Variants in PANK2 observed in about 807,000 individuals in gnomAD.
PANK2 encodes pantothenate kinase 2, mitochondrial.
Under a neutral mutation model 43.1 loss-of-function variants are expected in PANK2, and 36 were observed. The observed-to-expected ratio is 0.84, with a 90% CI of 0.64 to 1.10. The LOEUF (loss-of-function observed/expected upper bound fraction) is 1.10, where lower values mean the gene tolerates loss of function less well. PANK2 is among the 50% of genes least tolerant of loss of function. The pLI is 0.00. For missense variants in PANK2, 576 were observed against 593.3 expected (o/e 0.97, Z 0.30); for synonymous variants, 281 against 238.2 (o/e 1.18, Z -1.66).
In PANK2 at chr20:3,927,995, C is replaced by G. The variant is rs2090750829; in HGVS notation, c.*4701C>G. On this transcript the variant is annotated 3_prime_UTR_variant, in exon 7 of 7. Transcript: ENST00000610179. Reference sequence around the variant, plus strand: ...GGCAAAGTAAGGTTTACTACACAAGCCCCTCTTTTTCTTCTGATATCCCCA... The same window carrying G: ...GGCAAAGTAAGGTTTACTACACAAGGCCCTCTTTTTCTTCTGATATCCCCA... 1 of 152,150 alleles carries G rather than the reference C, an allele frequency of 6.6e-6. No individual in the cohort carries two copies. The highest frequency in any genetic ancestry group is 2.4e-5 in the African/African-American group (1 of 41,414). The allele number at this position is 152,150 out of a possible 1,614,324, so 9.4% of individuals were successfully genotyped here.
chr20:3,889,001 G>A (rs535790498), upstream of PANK2: 6 of 961,642 alleles, frequency 6.2e-6, no homozygotes, highest in African/African-American at 5.0e-5. Context: ...CTGCGAGGAC[G>A]GCACGGAGCA....
upstream of PANK2, chr20:3,889,217 C>T (rs767386090): frequency 5.0e-6 from 8 of 1,612,842 alleles, no homozygotes; most frequent in African/African-American, 9.3e-5. Context: ...CCTCCACCAC[C>T]CTCTCCCCGC....
At chr20:3,912,332 T>G (rs1428850462) in intron 3 of PANK2, 126 bp from the exon 4 acceptor site, 1 of 1,021,072 alleles carries the variant, frequency 9.8e-7, no homozygotes, top group African/African-American at 1.6e-5. Flanking sequence ...CAGACTTGTT[T>G]CCTACCAGTG....
Position 3,922,407 on chromosome 20 carries a change from G to A in PANK2, c.1333-837G>A, listed in dbSNP as rs571800529. 5.3e-5 allele frequency among the ~76,000 whole-genome samples: 8 copies of A among 152,316 alleles called. No homozygotes were observed. The South Asian group carries it at 6.2e-4, about 12-fold the overall frequency. Reference sequence around the variant, plus strand: ...TTCTGGAGACAGTACAGTGCTTGTCGTCTCTCAGCTGCTGCTTCTGTGTCT... The same window carrying A: ...TTCTGGAGACAGTACAGTGCTTGTCATCTCTCAGCTGCTGCTTCTGTGTCT... On this transcript the variant is annotated intron_variant, in intron 6 of 6. Coordinates refer to ENST00000610179, the MANE Select transcript of PANK2 (RefSeq NM_001386393.1).
At chr20:3,917,177 A>T in intron 5 of PANK2, 127 bp downstream of exon 5, 2 of 1,172,416 alleles carry the variant, frequency 1.7e-6, no homozygotes, top group Non-Finnish European at 1.3e-6. Flanking sequence ...TTTTAGCACG[A>T]AGTTAAAACT....
chr20:3,910,626 A>C lies in PANK2; in HGVS notation c.701A>C (p.Lys234Thr), dbSNP rs774676518. 1.4e-5 allele frequency: 23 copies of C among 1,614,040 alleles called. No homozygotes were observed. The African/African-American group carries it at 2.8e-4, about 20-fold the overall frequency. Residue 234 changes from lysine (K) to threonine (T), a missense_variant, in exon 3 of 7, where the codon AAA (lysine) becomes ACA (threonine). Transcript: ENST00000610179. ...CTGGATGAACTAGATTGCTTGATCA[A>C]AGGAATTTTATACATTGACTCAGTC...
chr20:3,888,941 C>CTG, upstream of PANK2: 8 of 569,374 alleles, frequency 1.4e-5, no homozygotes, highest in South Asian at 5.5e-5. Context: ...CTGCCGACGA[C>CTG]CAGCGGCCAG....
rs1345526793 is a variant in PANK2 at position 3,923,487 on chromosome 20, A to G, written c.*193A>G. ...ATTAGCAACCAGGAAGGAAAAATAT[A>G]TTAAAAACAACAAAAAAGTGGCACA... On this transcript the variant is annotated 3_prime_UTR_variant, in exon 7 of 7. Transcript: ENST00000610179. 5 of 633,944 alleles carry G rather than the reference A, an allele frequency of 7.9e-6. No homozygotes were observed. The highest frequency in any genetic ancestry group is 5.5e-5 in the African/African-American group (3 of 54,426). The allele number at this position is 633,944 out of a possible 1,614,324, so 39.3% of individuals were successfully genotyped here.
intron 6 of PANK2, chr20:3,921,329 A>G (rs2090644095): frequency 6.6e-6 from 1 of 151,942 alleles, no homozygotes; most frequent in Non-Finnish European, 1.5e-5. Flanking sequence ...TTGCCCTCAC[A>G]TTGAAGTCAC....
At chr20:3,888,968 G>T, upstream of PANK2, 1 of 682,522 alleles carries the variant, frequency 1.5e-6, no homozygotes, top group East Asian at 2.8e-5. Flanking sequence ...CGGGAGCACT[G>T]CTGGGCTGGA....
At chr20:3,909,329 T>G (rs1026088238) in intron 2 of PANK2, among the ~76,000 whole-genome samples, 2 of 152,130 alleles carry the variant, frequency 1.3e-5, no homozygotes, top group African/African-American at 4.8e-5. Flanking sequence ...ATCTGCCTGC[T>G]TCAGCCTCCC....
intron 1 of PANK2, among the ~76,000 whole-genome samples, chr20:3,899,255 TCCA>T (rs1430712994): frequency 1.3e-5 from 2 of 150,650 alleles, no homozygotes; most frequent in African/African-American, 4.9e-5. Context: ...CACTGCAACC[TCCA>T]CCTCCTGGGT....
At chr20:3,908,668 T>G (rs1380281938) in intron 2 of PANK2, 1 of 247,174 alleles carries the variant, frequency 4.0e-6, no homozygotes, top group African/African-American at 2.3e-5. Context: ...CTTGTCTCCC[T>G]CAGTTGTTTG....
At chr20:3,895,411 A>G (rs1367824693) in intron 1 of PANK2, among the ~76,000 whole-genome samples, 1 of 151,538 alleles carries the variant, frequency 6.6e-6, no homozygotes, top group Non-Finnish European at 1.5e-5. Flanking sequence ...TGAGCCCGGA[A>G]GATTGAGGTT....
At chr20:3,901,957 A>G (rs747384882) in intron 1 of PANK2, among the ~76,000 whole-genome samples, 14 of 151,930 alleles carry the variant, frequency 9.2e-5, no homozygotes, top group Non-Finnish European at 1.3e-4. Flanking sequence ...TGATTTATGT[A>G]TCTTTATAGG....
In PANK2 at chr20:3,889,623, G is replaced by C. The variant is rs1297573013; in HGVS notation, c.193G>C (p.Val65Leu). The C allele has an allele frequency of 1.3e-6, 2 of 1,550,630 alleles. No homozygotes were observed. The highest frequency in any genetic ancestry group is 1.7e-6 in the Non-Finnish European group (2 of 1,157,742). Residue 65 changes from valine (V) to leucine (L), a missense_variant, in exon 1 of 7, where the codon GTC becomes CTC. Transcript: ENST00000610179. ...GGCGAGCAGCGCGTCGGTGCCCGCGGTCGGGGCCTCGGCTGAGGGCACGAG... is the reference window on the plus strand; with the variant it reads ...GGCGAGCAGCGCGTCGGTGCCCGCGCTCGGGGCCTCGGCTGAGGGCACGAG...
At chr20:3,910,052 T>TG (rs1267621114) in intron 2 of PANK2, among the ~76,000 whole-genome samples, 1 of 152,208 alleles carries the variant, frequency 6.6e-6, no homozygotes, top group African/African-American at 2.4e-5. Flanking sequence ...GTTTAGATAG[T>TG]GAAAAAAATC....
At chr20:3,894,684 T>G (rs906763181) in intron 1 of PANK2, among the ~76,000 whole-genome samples, 2 of 152,134 alleles carry the variant, frequency 1.3e-5, no homozygotes, top group African/African-American at 2.4e-5. Flanking sequence ...GTTCAAGTGA[T>G]TCTCCTGCCT....
intron 1 of PANK2, among the ~76,000 whole-genome samples, chr20:3,906,470 C>G (rs1437127828): frequency 2.6e-5 from 4 of 151,922 alleles, no homozygotes; most frequent in African/African-American, 9.7e-5. Flanking sequence ...TTTAATATAC[C>G]CAGCCTATTG....
Sources: allele counts gnomAD v4.1 joint callset (sites outside exome capture counted in the v4.1 genomes callset), GRCh38; gene constraint gnomAD v4.1.1; transcripts MANE v1.5; gene names NCBI Gene and HGNC (gene_info 2026-07-23, HGNC 2026-07-21).